ZNG1E: variants seen among roughly 807,000 people sequenced by gnomAD.
ZNG1E encodes the protein Zn regulated GTPase metalloprotein activator 1E.
At chr9:65,694,182 C>A in the ZNG1E span, among the ~76,000 whole-genome samples, 2 of 150,744 alleles carry the variant, frequency 1.3e-5, no homozygotes, top group African/African-American at 4.9e-5. Flanking sequence ...AGCAAAAAAG[C>A]CCCAAATTAT....
At chr9:65,668,579 G>T in the ZNG1E span, among the ~76,000 whole-genome samples, 1 of 148,506 alleles carries the variant, frequency 6.7e-6, no homozygotes. Context: ...CACCCAGGCT[G>T]GAGTGCAGTG....
At chr9:65,697,461 T>C in the ZNG1E span, among the ~76,000 whole-genome samples, 1 of 92,074 alleles carries the variant, frequency 1.1e-5, no homozygotes, top group Non-Finnish European at 2.4e-5. Flanking sequence ...GTTTCTTCCT[T>C]TATAAATGAA....
At chr9:65,662,896 C>T in the ZNG1E span, among the ~76,000 whole-genome samples, 1 of 151,736 alleles carries the variant, frequency 6.6e-6, no homozygotes, top group African/African-American at 2.4e-5. Flanking sequence ...TAGTATAGGT[C>T]ACGATGTTAT....
At chr9:65,663,860 C>A in the ZNG1E span, among the ~76,000 whole-genome samples, 1 of 151,700 alleles carries the variant, frequency 6.6e-6, no homozygotes, top group East Asian at 1.9e-4. Context: ...TCCTCTTCCC[C>A]CATTGTCTCT....
chr9:65,670,016 T>TA, the ZNG1E span, among the ~76,000 whole-genome samples: 1 of 143,056 alleles, frequency 7.0e-6, no homozygotes, highest in Admixed American at 7.2e-5. Flanking sequence ...TTTAAACATT[T>TA]AAAAATATTT....
chr9:65,716,596 A>C, the ZNG1E span, among the ~76,000 whole-genome samples: 2 of 150,196 alleles, frequency 1.3e-5, no homozygotes, highest in African/African-American at 4.9e-5. Flanking sequence ...GTGAGGTAGG[A>C]CATGATAGTG....
At chr9:65,658,603 G>C in the ZNG1E span, among the ~76,000 whole-genome samples, 6 of 151,168 alleles carry the variant, frequency 4.0e-5, no homozygotes, top group Admixed American at 4.0e-4. Context: ...AAAGAATGGA[G>C]TTAGACCCAT....
At chr9:65,680,345 A>C in the ZNG1E span, among the ~76,000 whole-genome samples, 1 of 152,380 alleles carries the variant, frequency 6.6e-6, no homozygotes, top group South Asian at 2.1e-4. Context: ...CTTTTTAGGC[A>C]AAAATCCTGA....
the ZNG1E span, among the ~76,000 whole-genome samples, chr9:65,672,407 ATTTTCAATTTAACAAT>A: frequency 6.6e-6 from 1 of 151,938 alleles, no homozygotes; most frequent in Non-Finnish European, 1.5e-5. Flanking sequence ...TTAAAAAGGC[ATTTTCAATTTAACAAT>A]TTAACAATTT....
the ZNG1E span, chr9:65,703,784 G>A: frequency 5.1e-6 from 5 of 971,166 alleles, no homozygotes; most frequent in Non-Finnish European, 6.0e-6. Flanking sequence ...GAGATTAGAG[G>A]TGCTGCCAGA....
the ZNG1E span, among the ~76,000 whole-genome samples, chr9:65,656,643 G>T: frequency 3.9e-5 from 6 of 152,278 alleles, no homozygotes; most frequent in African/African-American, 1.4e-4. Context: ...GGCTGGAAAA[G>T]GTAAATAGAG....
At chr9:65,693,572 T>A in the ZNG1E span, 1 of 1,111,912 alleles carries the variant, frequency 9.0e-7, no homozygotes, top group Admixed American at 3.1e-5. Flanking sequence ...TTTTTTTTTT[T>A]TTTGAGACAG....
the ZNG1E span, chr9:65,704,926 A>AAC: frequency 1.5e-5 from 2 of 134,846 alleles, 1 homozygote; most frequent in African/African-American, 6.0e-5. Flanking sequence ...AAAAAAAAAA[A>AAC]CAAACAAAAA....
At chr9:65,710,354 T>C in the ZNG1E span, among the ~76,000 whole-genome samples, 1 of 148,660 alleles carries the variant, frequency 6.7e-6, no homozygotes, top group African/African-American at 2.6e-5. Context: ...AGCTGTTTAG[T>C]TTAATTAGAT....
chr9:65,693,793 G>T, the ZNG1E span, among the ~76,000 whole-genome samples: 1 of 151,846 alleles, frequency 6.6e-6, no homozygotes, highest in Non-Finnish European at 1.5e-5. Flanking sequence ...CTGACCTCAA[G>T]TGATCCACTT....
chr9:65,681,479 C>G, the ZNG1E span: 1 of 1,580,146 alleles, frequency 6.3e-7, no homozygotes, highest in Non-Finnish European at 8.6e-7. Context: ...AATGCAGTTT[C>G]TGCTTTAAGA....
chr9:65,685,258 T>C, the ZNG1E span, among the ~76,000 whole-genome samples: 2 of 152,270 alleles, frequency 1.3e-5, no homozygotes, highest in Non-Finnish European at 2.9e-5. Context: ...ATCAGGGTAG[T>C]AGTTACTGAA....
the ZNG1E span, among the ~76,000 whole-genome samples, chr9:65,654,241 T>A: frequency 6.6e-6 from 1 of 152,130 alleles, no homozygotes; most frequent in African/African-American, 2.4e-5. Flanking sequence ...TGAAGAAGGA[T>A]GTGTTTGCTT....
the ZNG1E span, among the ~76,000 whole-genome samples, chr9:65,680,702 AT>A: frequency 5.3e-5 from 8 of 152,268 alleles, no homozygotes; most frequent in Non-Finnish European, 1.2e-4. Context: ...ATTTAAAGTA[AT>A]TCTTATAGAT....
Sources: allele counts gnomAD v4.1 joint callset (sites outside exome capture counted in the v4.1 genomes callset), GRCh38; gene constraint gnomAD v4.1.1; transcripts MANE v1.5; gene names NCBI Gene and HGNC (gene_info 2026-07-23, HGNC 2026-07-21).